The following HPSE2 variants were observed in gnomAD, a reference collection of about 807,000 sequenced individuals.
HPSE2 encodes inactive heparanase-2.
A neutral mutation model predicts 60.5 loss-of-function variants in HPSE2; 38 were observed. That is an observed-to-expected ratio of 0.63 (90% CI 0.48 to 0.82). HPSE2 has a LOEUF of 0.82. Among genes scored for constraint, HPSE2 ranks in the 40% least tolerant of loss-of-function variants. HPSE2 has a pLI of 0.00. For missense variants in HPSE2, 713 were observed against 740.4 expected (o/e 0.96, Z 0.43); for synonymous variants, 295 against 293.2 (o/e 1.01, Z -0.06).
At chr10:98,943,627 T>G (rs1294600023) in intron 3 of HPSE2, among the ~76,000 whole-genome samples, 8 of 152,142 alleles carry the variant, frequency 5.3e-5, no homozygotes, top group Non-Finnish European at 8.8e-5. Context: ...TTACTTTCTC[T>G]TTTTCTCTCT....
At chr10:99,181,810 T>C (rs1293138279) in intron 2 of HPSE2, among the ~76,000 whole-genome samples, 1 of 152,008 alleles carries the variant, frequency 6.6e-6, no homozygotes, top group African/African-American at 2.4e-5. Flanking sequence ...CAAACCACCA[T>C]TGCACGTGTA....
intron 3 of HPSE2, among the ~76,000 whole-genome samples, chr10:98,780,979 G>A (rs1231391081): frequency 6.6e-6 from 1 of 151,966 alleles, no homozygotes; most frequent in Non-Finnish European, 1.5e-5. Flanking sequence ...GCCACTTCCA[G>A]GCCAAGAAAC....
chr10:98,763,254 C>T (rs1950046620), intron 3 of HPSE2, among the ~76,000 whole-genome samples: 1 of 151,224 alleles, frequency 6.6e-6, no homozygotes, highest in Admixed American at 6.6e-5. Flanking sequence ...AAAAGAAAGA[C>T]ATTACTACAG....
At chr10:98,652,006 G>C (rs1946929619) in intron 6 of HPSE2, among the ~76,000 whole-genome samples, 1 of 152,038 alleles carries the variant, frequency 6.6e-6, no homozygotes, top group Non-Finnish European at 1.5e-5. Flanking sequence ...CCTGACCTCA[G>C]GTGATCCACC....
intron 2 of HPSE2, among the ~76,000 whole-genome samples, chr10:99,192,299 A>T (rs1848248881): frequency 6.6e-6 from 1 of 152,242 alleles, no homozygotes; most frequent in African/African-American, 2.4e-5. Context: ...CTCTCAAGAC[A>T]TTAAATAATC....
chr10:98,868,463 T>C (rs1952649477), intron 3 of HPSE2, among the ~76,000 whole-genome samples: 2 of 152,056 alleles, frequency 1.3e-5, no homozygotes, highest in East Asian at 1.9e-4. Flanking sequence ...CTGTAGTCAA[T>C]AGTAATTAAA....
chr10:99,167,702 T>G (rs961173272), intron 2 of HPSE2, among the ~76,000 whole-genome samples: 1 of 152,220 alleles, frequency 6.6e-6, no homozygotes, highest in African/African-American at 2.4e-5. Flanking sequence ...ATAAAACTGT[T>G]TTACTTATTC....
intron 3 of HPSE2, among the ~76,000 whole-genome samples, chr10:99,079,153 C>T (rs999147951): frequency 2.0e-5 from 3 of 152,102 alleles, no homozygotes; most frequent in African/African-American, 7.2e-5. Flanking sequence ...GGTCCCCAGG[C>T]AGCAAAGTAT....
chr10:98,985,494 C>T (rs966164178), intron 3 of HPSE2, among the ~76,000 whole-genome samples: 2 of 152,158 alleles, frequency 1.3e-5, no homozygotes, highest in Non-Finnish European at 2.9e-5. Flanking sequence ...GAAGGAAGCA[C>T]TAAACATGGA....
chr10:98,893,856 A>G (rs1393198265), intron 3 of HPSE2, among the ~76,000 whole-genome samples: 2 of 151,952 alleles, frequency 1.3e-5, no homozygotes, highest in East Asian at 1.9e-4. Context: ...GGATCCCTAT[A>G]TAAAGCCAGG....
the HPSE2 span, among the ~76,000 whole-genome samples, chr10:99,241,386 T>C: frequency 6.6e-6 from 1 of 152,234 alleles, no homozygotes; most frequent in Non-Finnish European, 1.5e-5. Flanking sequence ...AGCTGCCTTA[T>C]CTGTCAAACT....
intron 6 of HPSE2, among the ~76,000 whole-genome samples, chr10:98,680,430 T>G (rs1474963923): frequency 6.6e-6 from 1 of 152,168 alleles, no homozygotes; most frequent in African/African-American, 2.4e-5. Flanking sequence ...ACTCTCATGG[T>G]TTGTATTGGA....
At chr10:98,855,564 C>T (rs987227630) in intron 3 of HPSE2, among the ~76,000 whole-genome samples, 2 of 151,986 alleles carry the variant, frequency 1.3e-5, no homozygotes, top group Non-Finnish European at 2.9e-5. Context: ...CCATTGCAAC[C>T]GTGAAAAGGA....
chr10:98,779,050 A>G (rs1287351357), intron 3 of HPSE2, among the ~76,000 whole-genome samples: 4 of 152,190 alleles, frequency 2.6e-5, no homozygotes, highest in Non-Finnish European at 5.9e-5. Context: ...ATGTTGAAAA[A>G]GACATTAAGA....
intron 5 of HPSE2, among the ~76,000 whole-genome samples, chr10:98,694,993 C>G (rs559511978): frequency 6.6e-6 from 1 of 152,298 alleles, no homozygotes; most frequent in East Asian, 1.9e-4. Context: ...CTAGAAGGCC[C>G]TATCTCTACT....
At chr10:99,006,289 A>T (rs943557044) in intron 3 of HPSE2, among the ~76,000 whole-genome samples, 1 of 152,112 alleles carries the variant, frequency 6.6e-6, no homozygotes, top group Non-Finnish European at 1.5e-5. Flanking sequence ...ACCAGTCTAG[A>T]ACCAGAGTCT....
chr10:98,807,149 T>TA (rs975707283), intron 3 of HPSE2, among the ~76,000 whole-genome samples: 3 of 152,050 alleles, frequency 2.0e-5, no homozygotes, highest in Admixed American at 6.5e-5. Flanking sequence ...TCTCAAAAAT[T>TA]AAAAAAATAA....
At chr10:98,765,530 C>A (rs1406075811) in intron 3 of HPSE2, among the ~76,000 whole-genome samples, 3 of 151,948 alleles carry the variant, frequency 2.0e-5, no homozygotes, top group African/African-American at 7.2e-5. Context: ...AAATTGATAG[C>A]AAAAAATGCT....
chr10:99,034,539 T>A (rs1451544063), intron 3 of HPSE2, among the ~76,000 whole-genome samples: 1 of 152,024 alleles, frequency 6.6e-6, no homozygotes, highest in African/African-American at 2.4e-5. Flanking sequence ...AAATGCAAAC[T>A]GTGACAAATG....
Sources: allele counts gnomAD v4.1 joint callset (sites outside exome capture counted in the v4.1 genomes callset), GRCh38; gene constraint gnomAD v4.1.1; transcripts MANE v1.5; gene names NCBI Gene and HGNC (gene_info 2026-07-23, HGNC 2026-07-21).